The following MAST4 variants were observed in gnomAD, a reference collection of about 807,000 sequenced individuals.
MAST4 encodes the protein microtubule-associated serine/threonine-protein kinase 4.
Under a neutral mutation model 162.7 loss-of-function variants are expected in MAST4, and 89 were observed. The ratio of observed to expected loss-of-function variants is 0.55; its 90% CI spans 0.46 to 0.65. MAST4 has a LOEUF of 0.65. MAST4 is among the 30% of genes least tolerant of loss of function. The pLI is 0.00. For missense variants in MAST4, 3,153 were observed against 3,374.0 expected (o/e 0.93, Z 1.62); for synonymous variants, 1,479 against 1,361.1 (o/e 1.09, Z -1.91).
At chr5:66,779,179 A>G (rs900988063) in intron 2 of MAST4, among the ~76,000 whole-genome samples, 25 of 152,198 alleles carry the variant, frequency 1.6e-4, no homozygotes, top group African/African-American at 6.0e-4. Context: ...TAGTTTAGCA[A>G]ATAAATTTCA....
At chr5:67,092,861 C>T (rs994426547) in intron 6 of MAST4, among the ~76,000 whole-genome samples, 1 of 152,118 alleles carries the variant, frequency 6.6e-6, no homozygotes, top group Non-Finnish European at 1.5e-5. Context: ...TCCAGATGAT[C>T]CTGTTTTTCC....
chr5:66,648,168 A>T (rs72647213), intron 1 of MAST4, among the ~76,000 whole-genome samples: 14,988 of 133,908 alleles, frequency 0.11, 1,077 homozygotes, highest in East Asian at 0.44. Flanking sequence ...CATAATATAT[A>T]AAAAAAAATC....
chr5:66,822,667 G>A (rs953281208), intron 3 of MAST4, among the ~76,000 whole-genome samples: 6 of 152,094 alleles, frequency 3.9e-5, no homozygotes, highest in Non-Finnish European at 8.8e-5. Context: ...GCCCTGCTGC[G>A]TTTCTCTCTT....
chr5:67,097,834 T>G (rs1764626110), intron 7 of MAST4, among the ~76,000 whole-genome samples: 1 of 152,108 alleles, frequency 6.6e-6, no homozygotes, highest in Admixed American at 6.5e-5. Flanking sequence ...AGTGTGAAAG[T>G]TCAATTATTT....
intron 4 of MAST4, among the ~76,000 whole-genome samples, chr5:66,973,182 G>A (rs1266881784): frequency 6.6e-6 from 1 of 151,874 alleles, no homozygotes; most frequent in Non-Finnish European, 1.5e-5. Context: ...CTAAGAATAA[G>A]TATATTCTCC....
intron 4 of MAST4, chr5:67,001,588 G>T (rs796747493): frequency 1.4e-4 from 21 of 152,272 alleles, no homozygotes; most frequent in African/African-American, 5.1e-4. Flanking sequence ...GCAGATTGGG[G>T]TATCTGTCAT....
At position 66,849,864 on chromosome 5, in the gene MAST4, A is replaced by T. The variant is rs562533344; in HGVS notation, c.643-50087A>T. ...TTTTTATAATCAGGGCAGAAAGTTT[A>T]AAAAGAAATATAATTTGATAAAAGC... On this transcript the variant is annotated intron_variant, in intron 3 of 28. Transcript: ENST00000403625. 1.9e-3 allele frequency among the ~76,000 whole-genome samples: 292 copies of T among 152,356 alleles called. 2 individuals carry two copies. Among genetic ancestry groups the T allele is most frequent in the African/African-American group, 6.8e-3 (281 of 41,580 alleles).
intron 4 of MAST4, among the ~76,000 whole-genome samples, chr5:66,929,661 A>G (rs922357578): frequency 1.3e-5 from 2 of 152,232 alleles, no homozygotes; most frequent in African/African-American, 4.8e-5. Flanking sequence ...TTATGTTACT[A>G]TCTGCTGGCT....
chr5:66,634,296 T>C (rs1390002679), intron 1 of MAST4, among the ~76,000 whole-genome samples: 4 of 152,176 alleles, frequency 2.6e-5, no homozygotes, highest in Non-Finnish European at 5.9e-5. Context: ...TGACCTCAGG[T>C]GATCCGCCTG....
intron 1 of MAST4, among the ~76,000 whole-genome samples, chr5:66,721,937 C>T (rs10057224): frequency 0.37 from 56,763 of 151,522 alleles, 10,627 homozygotes; most frequent in Non-Finnish European, 0.39. Flanking sequence ...CAAATACATC[C>T]AGAATCTCAT....
chr5:66,742,426 A>T (rs74734689), intron 1 of MAST4, among the ~76,000 whole-genome samples: 1 of 152,164 alleles, frequency 6.6e-6, no homozygotes, highest in Admixed American at 6.5e-5. Context: ...TTGTAATTTT[A>T]TTAATAATTT....
intron 11 of MAST4, among the ~76,000 whole-genome samples, chr5:67,111,682 G>A (rs557055535): frequency 6.6e-6 from 1 of 152,244 alleles, no homozygotes; most frequent in Non-Finnish European, 1.5e-5. Flanking sequence ...TTTAATTTAG[G>A]GGAAAGTGTC....
chr5:66,873,563 T>C (rs1030776163), intron 3 of MAST4, among the ~76,000 whole-genome samples: 1 of 152,242 alleles, frequency 6.6e-6, no homozygotes, highest in Admixed American at 6.5e-5. Flanking sequence ...AGCTTTACAA[T>C]GGCAATATGA....
At chr5:67,064,046 A>G (rs996259203) in intron 5 of MAST4, among the ~76,000 whole-genome samples, 4 of 152,188 alleles carry the variant, frequency 2.6e-5, no homozygotes, top group African/African-American at 4.8e-5. Context: ...TTGTTGTTAC[A>G]TAGGTCTGAA....
intron 1 of MAST4, among the ~76,000 whole-genome samples, chr5:66,736,004 C>A (rs1752130310): frequency 6.6e-6 from 1 of 152,138 alleles, no homozygotes; most frequent in Non-Finnish European, 1.5e-5. Context: ...AATCTTAGAG[C>A]AAATAGCTGT....
chr5:66,809,738 C>A (rs958539932), intron 3 of MAST4, among the ~76,000 whole-genome samples: 1 of 151,916 alleles, frequency 6.6e-6, no homozygotes, highest in Non-Finnish European at 1.5e-5. Flanking sequence ...AAATATATGA[C>A]TTTTTGTTTG....
intron 4 of MAST4, among the ~76,000 whole-genome samples, chr5:66,958,149 A>AAG (rs887709783): frequency 3.4e-4 from 52 of 150,844 alleles, no homozygotes; most frequent in African/African-American, 1.2e-3. Context: ...GTGAAAGAGA[A>AAG]AGAGAGAGAG....
intron 1 of MAST4, among the ~76,000 whole-genome samples, chr5:66,716,514 T>C (rs1274542321): frequency 6.7e-6 from 1 of 150,162 alleles, no homozygotes; most frequent in Non-Finnish European, 1.5e-5. Context: ...CCCAGCTAAT[T>C]AAAAAAAAAA....
chr5:67,142,213 G>A lies in MAST4; in HGVS notation c.2593G>A (p.Glu865Lys). 3 of 1,613,874 alleles carry A rather than the reference G, an allele frequency of 1.9e-6. No homozygotes were observed. Among genetic ancestry groups the A allele is most frequent in the South Asian group, 1.1e-5 (1 of 91,080 alleles). Reference sequence around the variant, plus strand: ...AGAATTTATTCCCCAACTGGAATCTGAGGATGACACAAGTTATTTTGATAG... The same window carrying A: ...AGAATTTATTCCCCAACTGGAATCTAAGGATGACACAAGTTATTTTGATAG... Reference protein sequence around the residue: ...KAEFIPQLESEDDTSYFDTRS... With the variant: ...KAEFIPQLESKDDTSYFDTRS... The change falls in exon 20 of 29, where the codon GAG becomes AAG. Residue 865 changes from glutamate to lysine, a missense_variant. Physicochemically the swap from Glu to Lys is moderately conservative, Grantham distance 56. Coordinates refer to ENST00000403625, the MANE Select transcript of MAST4 (RefSeq NM_001164664.2).
Sources: allele counts gnomAD v4.1 joint callset (sites outside exome capture counted in the v4.1 genomes callset), GRCh38; gene constraint gnomAD v4.1.1; transcripts MANE v1.5; gene names NCBI Gene and HGNC (gene_info 2026-07-23, HGNC 2026-07-21).